ZFPM2: variants seen among roughly 807,000 people sequenced by gnomAD.
ZFPM2 encodes zinc finger protein ZFPM2.
ZFPM2 carries 20 observed loss-of-function variants against 98.6 expected under a neutral mutation model. That is an observed-to-expected ratio of 0.20 (90% CI 0.14 to 0.29). The LOEUF (loss-of-function observed/expected upper bound fraction) is 0.29, where lower values mean the gene tolerates loss of function less well. Ranked by LOEUF, ZFPM2 falls within the 10% of genes least tolerant of loss-of-function variation. ZFPM2 has a pLI of 1.00. For synonymous variants in ZFPM2, 518 were observed against 502.7 expected, an observed-to-expected ratio of 1.03 and a Z score of -0.41; for missense variants, 1,310 against 1,388.6, an observed-to-expected ratio of 0.94 and a Z score of 0.90.
intron 4 of ZFPM2, among the ~76,000 whole-genome samples, chr8:105,572,322 C>T (rs1157374966): frequency 6.6e-6 from 1 of 152,028 alleles, no homozygotes; most frequent in Non-Finnish European, 1.5e-5. Context: ...AGGCGTGAGC[C>T]ACCACACCTA....
rs570278862 is a variant in ZFPM2 at position 105,741,820 on chromosome 8, A to T, written c.533-46898A>T. Among the ~76,000 whole-genome samples, 3 of 152,152 alleles carry T rather than the reference A, an allele frequency of 2.0e-5. No individual in the cohort carries two copies. The South Asian group carries it at 6.2e-4, about 32-fold the overall frequency. On this transcript the variant is annotated intron_variant, in intron 5 of 7. Transcript: ENST00000407775. ...TCAGCTAGTGCACTGCCAGTTGTAA[A>T]TACAAAGTAGGCACGAAGTTGGAAT...
chr8:105,440,830 A>G (rs913249722), intron 2 of ZFPM2, among the ~76,000 whole-genome samples: 2 of 152,156 alleles, frequency 1.3e-5, no homozygotes, highest in Admixed American at 6.5e-5. Context: ...CTGCTATGCT[A>G]TCAGTGCCTC....
intron 1 of ZFPM2, among the ~76,000 whole-genome samples, chr8:105,389,842 A>G (rs1242712519): frequency 6.6e-6 from 1 of 152,208 alleles, no homozygotes; most frequent in East Asian, 1.9e-4. Context: ...TAGATCCAGG[A>G]AAAAGGAAGC....
intron 2 of ZFPM2, among the ~76,000 whole-genome samples, chr8:105,422,292 C>G (rs941247496): frequency 2.0e-5 from 3 of 151,810 alleles, no homozygotes; most frequent in Admixed American, 2.0e-4. Flanking sequence ...CAAAAATTAA[C>G]TGGGTGTGGT....
At chr8:105,789,603 A>C (rs1813535440) in intron 6 of ZFPM2, among the ~76,000 whole-genome samples, 1 of 150,838 alleles carries the variant, frequency 6.6e-6, no homozygotes, top group Non-Finnish European at 1.5e-5. Flanking sequence ...TATACCCAGT[A>C]ATGGGATGGC....
intron 5 of ZFPM2, among the ~76,000 whole-genome samples, chr8:105,777,987 C>T (rs1472318911): frequency 6.6e-6 from 1 of 152,104 alleles, no homozygotes; most frequent in African/African-American, 2.4e-5. Flanking sequence ...TATGTCACAG[C>T]TCTTTATTCT....
At chr8:105,550,804 A>G (rs918793605) in intron 3 of ZFPM2, among the ~76,000 whole-genome samples, 15 of 152,206 alleles carry the variant, frequency 9.9e-5, no homozygotes, top group Admixed American at 3.3e-4. Flanking sequence ...GGGTACTTCA[A>G]TAAATACACC....
At chr8:105,783,210 G>GTTTTTTTTTTTTTTTTT (rs753557703) in intron 5 of ZFPM2, among the ~76,000 whole-genome samples, 2 of 88,944 alleles carry the variant, frequency 2.2e-5, no homozygotes, top group Non-Finnish European at 4.3e-5. Flanking sequence ...TTTCTTTATG[G>GTTTTTTTTTTTTTTTTT]TTTTTTTTTT....
At chr8:105,707,138 G>A (rs1188974075) in intron 5 of ZFPM2, among the ~76,000 whole-genome samples, 1 of 151,158 alleles carries the variant, frequency 6.6e-6, no homozygotes, top group Non-Finnish European at 1.5e-5. Flanking sequence ...ACCTACTTGG[G>A]AGGCTGAAGC....
chr8:105,468,964 G>T (rs1245255276), intron 3 of ZFPM2, among the ~76,000 whole-genome samples: 5 of 144,636 alleles, frequency 3.5e-5, no homozygotes, highest in African/African-American at 1.0e-4. Flanking sequence ...ATACAAAGCA[G>T]TTTTTTTTTT....
chr8:105,331,439 C>T (rs900510072), intron 1 of ZFPM2, among the ~76,000 whole-genome samples: 33 of 151,498 alleles, frequency 2.2e-4, no homozygotes, highest in African/African-American at 6.8e-4. Flanking sequence ...AAGGAGGTTC[C>T]GGTATGGGAT....
At chr8:105,582,325 C>G (rs1815618793) in intron 4 of ZFPM2, among the ~76,000 whole-genome samples, 1 of 152,102 alleles carries the variant, frequency 6.6e-6, no homozygotes, top group Non-Finnish European at 1.5e-5. Context: ...TTCAGTGGCT[C>G]TTAACTAGGG....
intron 3 of ZFPM2, among the ~76,000 whole-genome samples, chr8:105,492,431 G>GA (rs1283392766): frequency 1.3e-5 from 2 of 152,056 alleles, no homozygotes; most frequent in Non-Finnish European, 1.5e-5. Flanking sequence ...ATGTAAACCT[G>GA]AAAAAATACT....
At chr8:105,689,481 A>G (rs1810824617) in intron 5 of ZFPM2, among the ~76,000 whole-genome samples, 1 of 152,220 alleles carries the variant, frequency 6.6e-6, no homozygotes, top group Admixed American at 6.5e-5. Context: ...ACCAAATGCT[A>G]TTCAGATTTT....
chr8:105,662,512 C>T (rs572476260), intron 5 of ZFPM2: 20 of 151,788 alleles, frequency 1.3e-4, no homozygotes, highest in African/African-American at 4.1e-4. Context: ...TTAGCTCTGG[C>T]AGTCCTTTTT....
At chr8:105,764,713 T>A (rs1201187891) in intron 5 of ZFPM2, among the ~76,000 whole-genome samples, 3 of 151,818 alleles carry the variant, frequency 2.0e-5, no homozygotes, top group African/African-American at 4.8e-5. Context: ...TTCATTGCTA[T>A]ACTTGATGCG....
intron 4 of ZFPM2, among the ~76,000 whole-genome samples, chr8:105,632,224 C>G (rs1350190639): frequency 6.6e-6 from 1 of 152,074 alleles, no homozygotes; most frequent in East Asian, 1.9e-4. Context: ...GGCTGGGGTA[C>G]AGTAGCACGA....
intron 1 of ZFPM2, among the ~76,000 whole-genome samples, chr8:105,343,217 T>C (rs1812461334): frequency 1.3e-5 from 2 of 152,096 alleles, no homozygotes; most frequent in Admixed American, 1.3e-4. Flanking sequence ...AATGAAAACT[T>C]CATAGGTGTT....
chr8:105,784,163 G>T (rs370804842), intron 5 of ZFPM2, among the ~76,000 whole-genome samples: 2 of 152,150 alleles, frequency 1.3e-5, no homozygotes, highest in East Asian at 3.9e-4. Context: ...ATTTTCATGT[G>T]CTTGGATAGC....
Sources: gnomAD v4.1 joint callset for allele counts (sites outside exome capture counted in the v4.1 genomes callset) on GRCh38, gnomAD v4.1.1 for gene constraint, MANE v1.5 for transcripts, NCBI Gene and HGNC (gene_info 2026-07-23, HGNC 2026-07-21) for gene names.